The following CEP295 variants were observed in gnomAD, a reference collection of about 807,000 sequenced individuals.
CEP295 encodes centrosomal protein of 295 kDa.
In CEP295, 190 loss-of-function variants were observed where a neutral mutation model predicts 291.6. The observed-to-expected ratio is 0.65, with a 90% CI of 0.58 to 0.73. The LOEUF is 0.73. Among genes scored for constraint, CEP295 ranks in the 30% least tolerant of loss-of-function variants. CEP295 has a pLI of 0.00. For missense variants in CEP295, 2,863 were observed against 2,949.4 expected, an observed-to-expected ratio of 0.97 and a Z score of 0.68; for synonymous variants, 993 against 1,038.8, an observed-to-expected ratio of 0.96 and a Z score of 0.85.
At chr11:93,687,382 C>T (rs1246454272) in intron 9 of CEP295, among the ~76,000 whole-genome samples, 2 of 152,062 alleles carry the variant, frequency 1.3e-5, no homozygotes, top group African/African-American at 4.8e-5. Flanking sequence ...GTTTTTTAGG[C>T]TTGATATTTG....
Position 93,696,992 on chromosome 11 carries a change from C to T in CEP295, c.2080C>T (p.Arg694Cys), listed in dbSNP as rs71480689. 1.3e-5 allele frequency: 20 copies of T among 1,551,410 alleles called. No homozygotes were observed. Among genetic ancestry groups the T allele is most frequent in the Admixed American group, 5.9e-5 (3 of 51,004 alleles). The change falls in exon 15 of 30, where the codon CGC becomes TGC. Residue 694 changes from arginine (R) to cysteine (C), a missense_variant. Physicochemically the swap from Arg to Cys is radical, Grantham distance 180. Transcript: ENST00000325212. Reference protein sequence around the residue: ...QRQVETTETLRASDILTNQAL... With the variant: ...QRQVETTETLCASDILTNQAL... The stretch of plus-strand genomic sequence containing the variant: ...ACAGGTGGAAACAACAGAAACATTA[C>T]GCGCTTCAGATATTTTAACCAATCA...
chr11:93,721,755 G>T (rs751633339), intron 19 of CEP295, 199 bp from the exon 20 acceptor site: 4 of 725,154 alleles, frequency 5.5e-6, no homozygotes, highest in Admixed American at 1.8e-5. Flanking sequence ...GATTGAGGGT[G>T]GGGGGGTGCG....
intron 7 of CEP295, among the ~76,000 whole-genome samples, chr11:93,682,522 C>A (rs1054367722): frequency 6.6e-6 from 1 of 152,052 alleles, no homozygotes; most frequent in Non-Finnish European, 1.5e-5. Flanking sequence ...CTGTGCCTGG[C>A]CCATTACCAT....
At chr11:93,689,417 G>A (rs539450700) in intron 10 of CEP295, among the ~76,000 whole-genome samples, 129 of 152,270 alleles carry the variant, frequency 8.5e-4, no homozygotes, top group Non-Finnish European at 1.5e-3. Context: ...CAGCTTGCTC[G>A]CTGTTTCTCA....
rs184603353 is a variant in CEP295, at chr11:93,691,960, C to G, written c.1463C>G (p.Ala488Gly). The G allele has an allele frequency of 6.5e-7, 1 of 1,545,964 alleles. No homozygotes were observed. The highest frequency in any genetic ancestry group is 8.8e-7 in the Non-Finnish European group (1 of 1,142,124). Residue 488 changes from alanine to glycine, a missense_variant, in exon 12 of 30, where the codon GCT becomes GGT. Physicochemically the swap from Ala to Gly is moderately conservative, Grantham distance 60. This residue lies in a region of CEP295 where 554 missense variants were observed against 576.0 expected (regional missense o/e 0.96). Coordinates refer to ENST00000325212, the MANE Select transcript of CEP295 (RefSeq NM_033395.2). Reference protein sequence around the residue: ...INETLPITTVAQSSVLLHPQE... With the variant: ...INETLPITTVGQSSVLLHPQE... ...GAGACTCTGCCTATCACAACTGTAG[C>G]TCAGAGTTCAGTTCTACTTCATCCT...
intron 18 of CEP295, among the ~76,000 whole-genome samples, chr11:93,716,526 A>G (rs1334337553): frequency 6.6e-6 from 1 of 152,214 alleles, no homozygotes; most frequent in Non-Finnish European, 1.5e-5. Flanking sequence ...GACCAGGGAG[A>G]GACCTTGGGG....
intron 29 of CEP295, 21 bp downstream of exon 29, chr11:93,730,169 A>C: frequency 6.4e-7 from 1 of 1,551,012 alleles, no homozygotes; most frequent in Non-Finnish European, 8.7e-7. Flanking sequence ...CTGAGGGAGA[A>C]GGACTTAATT....
At position 93,696,947 on chromosome 11, in the gene CEP295, C is replaced by A; in HGVS notation, c.2035C>A (p.Gln679Lys). The change falls in exon 15 of 30, where the codon CAA becomes AAA. Residue 679 changes from glutamine to lysine, a missense_variant. Around this residue, in one of 3 missense-constraint regions of CEP295, gnomAD observed 2,295 missense variants for 2,335.7 expected, o/e 0.98. Coordinates refer to ENST00000325212, the MANE Select transcript of CEP295 (RefSeq NM_033395.2). ...ACAAGATCATTTTCAGGTAGCGAGA[C>A]AAAATCACTTTCCACAAAGACAGGT... ...LEQDHFQVAR[Q>K]NHFPQRQVET... 1 of 1,551,966 alleles carries A rather than the reference C, an allele frequency of 6.4e-7. No individual in the cohort carries two copies. The highest frequency in any genetic ancestry group is 8.7e-7 in the Non-Finnish European group (1 of 1,147,072).
intron 18 of CEP295, among the ~76,000 whole-genome samples, chr11:93,717,726 AG>A (rs1953374949): frequency 6.6e-6 from 1 of 152,060 alleles, no homozygotes; most frequent in African/African-American, 2.4e-5. Context: ...TGTGGTTACA[AG>A]GGGTCTCATT....
chr11:93,692,592 G>A (rs1052869649), intron 12 of CEP295, among the ~76,000 whole-genome samples: 1 of 152,028 alleles, frequency 6.6e-6, no homozygotes, highest in Non-Finnish European at 1.5e-5. Context: ...TGAGTAGCTA[G>A]GACTACAGGT....
chr11:93,668,276 A>G (rs539379599), intron 3 of CEP295, among the ~76,000 whole-genome samples: 1 of 152,330 alleles, frequency 6.6e-6, no homozygotes, highest in East Asian at 1.9e-4. Flanking sequence ...ACAGTAAACA[A>G]GCTAGTTACA....
At chr11:93,723,431 G>A (rs1294461325) in intron 21 of CEP295, 142 bp downstream of exon 21, 1 of 636,126 alleles carries the variant, frequency 1.6e-6, no homozygotes, top group African/African-American at 1.9e-5. Flanking sequence ...AGAATATATT[G>A]AGGGCATTTA....
intron 17 of CEP295, among the ~76,000 whole-genome samples, chr11:93,705,844 C>T (rs753767416): frequency 5.3e-5 from 8 of 152,138 alleles, no homozygotes; most frequent in South Asian, 4.1e-4. Flanking sequence ...GTAGTGAGGA[C>T]GCTCACCTTA....
Position 93,723,166 on chromosome 11 carries a change from G to A in CEP295, c.6073G>A (p.Asp2025Asn), listed in dbSNP as rs2135326955. 6.4e-7 allele frequency: 1 copy of A among 1,552,110 alleles called. No individual in the cohort carries two copies. Among genetic ancestry groups the A allele is most frequent in the East Asian group, 2.4e-5 (1 of 40,922 alleles). ...TATTTATCAGCGGCAGAACTCTTCAGACGTTCATAAATCTCTGTTGCCTGC... is the reference window on the plus strand; with the variant it reads ...TATTTATCAGCGGCAGAACTCTTCAAACGTTCATAAATCTCTGTTGCCTGC... ...QDIYQRQNSS[D>N]VHKSLLPAVD... Residue 2025 changes from aspartate (D) to asparagine (N), a missense_variant, in exon 21 of 30, where the codon GAC (aspartate) becomes AAC (asparagine). Transcript: ENST00000325212.
rs72974683 is a variant in CEP295, at chr11:93,728,055, A to C, written c.7161+418A>C. 501 of 161,466 alleles carry C rather than the reference A, an allele frequency of 3.1e-3. 1 individual carries two copies. Among genetic ancestry groups the C allele is most frequent in the Non-Finnish European group, 5.2e-3 (384 of 74,272 alleles). 10.0% of individuals were successfully genotyped at this position (161,466 alleles called of 1,614,324 possible). A position where few individuals can be genotyped will look rare whatever the true frequency, so the allele number is the denominator to read the frequency against. On this transcript the variant is annotated intron_variant, in intron 24 of 29. Transcript: ENST00000325212. ...TCAGTGTTGAGCCTCATTCCAGTGC[A>C]ATGAATTCATCCATTATTGGAATAA...
intron 18 of CEP295, among the ~76,000 whole-genome samples, chr11:93,715,253 C>G (rs940445186): frequency 6.6e-6 from 1 of 152,136 alleles, no homozygotes; most frequent in African/African-American, 2.4e-5. Flanking sequence ...ACTCTCTCCC[C>G]TTGTCCACCA....
Position 93,723,061 on chromosome 11 carries a change from G to A in CEP295, c.5968G>A (p.Asp1990Asn). ...TDPESFSEHMDDSKQESTTSK... is the reference protein window; with the variant it reads ...TDPESFSEHMNDSKQESTTSK... ...TTCAGAGTCATTTTCAGAGCACATGGATGATAGCAAGCAAGAATCTACCAC... is the reference window on the plus strand; with the variant it reads ...TTCAGAGTCATTTTCAGAGCACATGAATGATAGCAAGCAAGAATCTACCAC... The change falls in exon 21 of 30, where the codon GAT becomes AAT. Residue 1990 changes from aspartate (D) to asparagine (N), a missense_variant. Coordinates refer to ENST00000325212, the MANE Select transcript of CEP295 (RefSeq NM_033395.2). The A allele has an allele frequency of 6.4e-7, 1 of 1,551,266 alleles. No individual in the cohort carries two copies. The highest frequency in any genetic ancestry group is 8.7e-7 in the Non-Finnish European group (1 of 1,146,736).
intron 10 of CEP295, among the ~76,000 whole-genome samples, chr11:93,688,407 A>AT (rs1229372460): frequency 6.6e-6 from 1 of 152,150 alleles, no homozygotes. Context: ...TATCTCCTTG[A>AT]TTGGGATGAT....
intron 12 of CEP295, among the ~76,000 whole-genome samples, chr11:93,693,129 T>C (rs1187277064): frequency 2.0e-5 from 3 of 151,026 alleles, no homozygotes; most frequent in Non-Finnish European, 4.4e-5. Context: ...TACAAAAAAT[T>C]AGCTGGGCAT....
Sources: gnomAD v4.1 joint callset for allele counts (sites outside exome capture counted in the v4.1 genomes callset) on GRCh38, gnomAD v4.1.1 for gene constraint, gnomAD v4.1.1 regional missense constraint, MANE v1.5 for transcripts, NCBI Gene and HGNC (gene_info 2026-07-23, HGNC 2026-07-21) for gene names.